AEBP2: variants seen among roughly 807,000 people sequenced by gnomAD.
AEBP2 encodes the protein AE binding protein 2.
A neutral mutation model predicts 50.8 loss-of-function variants in AEBP2; 10 were observed. The ratio of observed to expected loss-of-function variants is 0.20; its 90% CI spans 0.12 to 0.33. The LOEUF (loss-of-function observed/expected upper bound fraction) is 0.33. AEBP2 is among the 10% of genes least tolerant of loss of function. The pLI is 1.00. For missense variants in AEBP2, 570 were observed against 688.0 expected (o/e 0.83, Z 1.92); for synonymous variants, 296 against 261.3 (o/e 1.13, Z -1.28).
chr12:19,510,420 A>G (rs1192395043), intron 5 of AEBP2, among the ~76,000 whole-genome samples: 3 of 152,234 alleles, frequency 2.0e-5, no homozygotes, highest in African/African-American at 7.2e-5. Flanking sequence ...GTGTATGCGC[A>G]TGGGCAGACA....
intron 3 of AEBP2, among the ~76,000 whole-genome samples, chr12:19,475,690 T>C: frequency 6.6e-6 from 1 of 152,094 alleles, no homozygotes; most frequent in East Asian, 1.9e-4. Context: ...TCTATAGTGG[T>C]TGTATTATAT....
chr12:19,418,484 G>A (rs1014104600), intron 1 of AEBP2, among the ~76,000 whole-genome samples: 4 of 148,890 alleles, frequency 2.7e-5, no homozygotes, highest in Admixed American at 6.8e-5. Flanking sequence ...TCTTGCCTTG[G>A]CCAGCTAATA....
intron 1 of AEBP2, among the ~76,000 whole-genome samples, chr12:19,415,655 T>TACAATA (rs2095742115): frequency 7.6e-6 from 1 of 131,882 alleles, no homozygotes; most frequent in African/African-American, 2.9e-5. Flanking sequence ...AGAGATTAAA[T>TACAATA]CAATACAATA....
At chr12:19,512,656 T>G (rs2120605977) in intron 6 of AEBP2, among the ~76,000 whole-genome samples, 191 bp downstream of exon 6, 1 of 150,700 alleles carries the variant, frequency 6.6e-6, no homozygotes, top group African/African-American at 2.4e-5. Flanking sequence ...GCTTCAAAAC[T>G]TAAGCCCCCC....
upstream of AEBP2, among the ~76,000 whole-genome samples, chr12:19,436,601 G>T (rs1356405426): frequency 3.3e-5 from 5 of 149,546 alleles, no homozygotes; most frequent in South Asian, 4.3e-4. Flanking sequence ...TTTTTTTGGG[G>T]GGGGGATAAG....
chr12:19,504,267 C>G (rs2120542369), intron 5 of AEBP2, among the ~76,000 whole-genome samples: 1 of 151,324 alleles, frequency 6.6e-6, no homozygotes, highest in South Asian at 2.1e-4. Flanking sequence ...CGGAGTCTTG[C>G]TCTGTCGCCC....
At chr12:19,423,575 G>A (rs1198968744) in intron 1 of AEBP2, among the ~76,000 whole-genome samples, 2 of 152,096 alleles carry the variant, frequency 1.3e-5, no homozygotes, top group African/African-American at 2.4e-5. Flanking sequence ...AGGTCGCAGG[G>A]GCAGGCATGT....
At chr12:19,494,267 A>G (rs1948937256) in intron 4 of AEBP2, among the ~76,000 whole-genome samples, 1 of 152,202 alleles carries the variant, frequency 6.6e-6, no homozygotes, top group Non-Finnish European at 1.5e-5. Context: ...TGGTATTTCT[A>G]GAAATATTTT....
rs1948402157 is a variant in AEBP2, at chr12:19,462,800, A to C, written c.879+83A>C. 28 of 1,288,084 alleles carry C rather than the reference A, an allele frequency of 2.2e-5. 1 individual carries two copies. The South Asian group carries it at 3.6e-4, about 16-fold the overall frequency. The allele number at this position is 1,288,084 out of a possible 1,614,324, so 79.8% of individuals were successfully genotyped here. A position where few individuals can be genotyped will look rare whatever the true frequency, so the allele number is the denominator to read the frequency against. ...AATTGCTAGTTAGGCTTTTTTGCTGAAAGTAATTTGGGATTATTTTTACAC... is the reference window on the plus strand; with the variant it reads ...AATTGCTAGTTAGGCTTTTTTGCTGCAAGTAATTTGGGATTATTTTTACAC... On this transcript the variant is annotated intron_variant, in intron 2 of 7. Coordinates refer to ENST00000266508, the MANE Select transcript of AEBP2 (RefSeq NM_153207.5).
At chr12:19,457,090 C>G in intron 1 of AEBP2, 1 of 1,603,778 alleles carries the variant, frequency 6.2e-7, no homozygotes, top group Non-Finnish European at 8.5e-7. Context: ...GGGGTTGTAG[C>G]CAATTTTCTT....
Position 19,512,482 on chromosome 12 carries a change from T to G in AEBP2, c.1367+17T>G. ...TGAAGACATGTAAGTATTTGAAATA[T>G]TATGCCTTAGTAATAAGTTCATGTT... On this transcript the variant is annotated intron_variant, in intron 6 of 7. Transcript: ENST00000266508. 6.7e-7 allele frequency: 1 copy of G among 1,481,698 alleles called. No homozygotes were observed. Among genetic ancestry groups the G allele is most frequent in the Non-Finnish European group, 9.2e-7 (1 of 1,090,820 alleles). 91.8% of individuals were successfully genotyped at this position (1,481,698 alleles called of 1,614,324 possible). A position where few individuals can be genotyped will look rare whatever the true frequency, so the allele number is the denominator to read the frequency against.
intron 1 of AEBP2, among the ~76,000 whole-genome samples, chr12:19,441,021 G>A (rs12227535): frequency 0.022 from 3,420 of 152,304 alleles, 48 homozygotes; most frequent in East Asian, 0.043. Flanking sequence ...ATAAATGGTT[G>A]TGGAAAAGAA....
At chr12:19,420,023 T>TG (rs1349831644) in intron 1 of AEBP2, among the ~76,000 whole-genome samples, 10 of 123,668 alleles carry the variant, frequency 8.1e-5, no homozygotes, top group Non-Finnish European at 1.5e-4. Context: ...CATTAATAGT[T>TG]TTTTTTTTTT....
upstream of AEBP2, among the ~76,000 whole-genome samples, chr12:19,435,956 A>G (rs1208326565): frequency 1.3e-5 from 2 of 152,182 alleles, no homozygotes; most frequent in African/African-American, 4.8e-5. Flanking sequence ...AGCGACTCGC[A>G]TCGTGAATAC....
intron 1 of AEBP2, chr12:19,456,430 C>A (rs185677855): frequency 2.8e-5 from 40 of 1,403,848 alleles, no homozygotes; most frequent in Non-Finnish European, 3.9e-5. Context: ...ACCATATCAA[C>A]GTTGGCAGCA....
intron 1 of AEBP2, among the ~76,000 whole-genome samples, chr12:19,452,905 T>C (rs2153368339): frequency 6.6e-6 from 1 of 152,122 alleles, no homozygotes; most frequent in East Asian, 1.9e-4. Flanking sequence ...TGTATCATTG[T>C]AATGTTTACC....
At chr12:19,415,467 A>C (rs1433163164) in intron 1 of AEBP2, among the ~76,000 whole-genome samples, 1 of 148,116 alleles carries the variant, frequency 6.8e-6, no homozygotes, top group African/African-American at 2.5e-5. Flanking sequence ...TAGTATCTTG[A>C]TCATAGCAAC....
chr12:19,456,659 A>C lies in AEBP2; in HGVS notation c.672-5851A>C. 5 of 1,538,918 alleles carry C rather than the reference A, an allele frequency of 3.2e-6. No individual in the cohort carries two copies. In the South Asian group the frequency reaches 5.6e-5, roughly 17 times the overall value. On this transcript the variant is annotated intron_variant, in intron 1 of 7. Coordinates refer to ENST00000266508, the MANE Select transcript of AEBP2 (RefSeq NM_153207.5). ...GTGGGTCATCTTTGCTGTCACCAGC[A>C]TCATTGCCATGACGAACATCCTTGA...
intron 1 of AEBP2, among the ~76,000 whole-genome samples, chr12:19,426,153 C>G (rs1279518090): frequency 6.6e-6 from 1 of 152,090 alleles, no homozygotes; most frequent in Non-Finnish European, 1.5e-5. Flanking sequence ...CCAGGCTGAT[C>G]TCAAACTCCG....
Sources: allele counts gnomAD v4.1 joint callset (sites outside exome capture counted in the v4.1 genomes callset), GRCh38; gene constraint gnomAD v4.1.1; transcripts MANE v1.5; gene names NCBI Gene and HGNC (gene_info 2026-07-23, HGNC 2026-07-21).